VPS13B: variants seen among roughly 807,000 people sequenced by gnomAD.
VPS13B encodes the protein vacuolar protein sorting 13 homolog B.
VPS13B carries 285 observed loss-of-function variants against 426.4 expected under a neutral mutation model. The observed-to-expected ratio is 0.67, with a 90% CI of 0.61 to 0.74. VPS13B has a LOEUF of 0.74. VPS13B is among the 30% of genes least tolerant of loss of function. The probability of loss-of-function intolerance (pLI) is 0.00; values close to 1 mark genes in which losing one functional copy is unlikely to be tolerated. For missense variants in VPS13B, 4,537 were observed against 4,782.6 expected (o/e 0.95, Z 1.51); for synonymous variants, 1,676 against 1,676.4 (o/e 1.00, Z 0.01).
chr8:99,305,372 A>C (rs1237698553), intron 19 of VPS13B, among the ~76,000 whole-genome samples: 2 of 152,188 alleles, frequency 1.3e-5, no homozygotes, highest in Non-Finnish European at 2.9e-5. Flanking sequence ...TTTACATTGT[A>C]CTAGGTATTA....
chr8:99,520,811 C>G (rs1822345476), intron 29 of VPS13B, 88 bp from the exon 30 acceptor site: 3 of 987,458 alleles, frequency 3.0e-6, no homozygotes, highest in Non-Finnish European at 4.9e-6. Context: ...TAATGTGTCT[C>G]TATTCCATTC....
chr8:99,820,249 G>A, intron 49 of VPS13B, 127 bp downstream of exon 49: 1 of 873,856 alleles, frequency 1.1e-6, no homozygotes, highest in Non-Finnish European at 1.8e-6. Flanking sequence ...GCATATGTAA[G>A]AGGTATGGAA....
intron 21 of VPS13B, among the ~76,000 whole-genome samples, chr8:99,400,692 G>A (rs1814985140): frequency 6.6e-6 from 1 of 151,796 alleles, no homozygotes; most frequent in Non-Finnish European, 1.5e-5. Context: ...TTTGTTTTGT[G>A]GCGGAGTCTC....
chr8:99,165,263 A>C (rs1811937145), intron 15 of VPS13B, among the ~76,000 whole-genome samples: 1 of 152,206 alleles, frequency 6.6e-6, no homozygotes, highest in African/African-American at 2.4e-5. Context: ...GTTGTACAAT[A>C]GATCTTTTAA....
intron 51 of VPS13B, among the ~76,000 whole-genome samples, chr8:99,830,911 C>T (rs1815003338): frequency 6.6e-6 from 1 of 151,982 alleles, no homozygotes; most frequent in South Asian, 2.1e-4. Flanking sequence ...TGCTTCTGCT[C>T]ACCCTCCTTG....
chr8:99,389,463 C>T (rs1026916126), intron 20 of VPS13B, among the ~76,000 whole-genome samples: 2 of 152,036 alleles, frequency 1.3e-5, no homozygotes, highest in African/African-American at 4.8e-5. Context: ...AGCTAATAGC[C>T]TACTGTTGAT....
At chr8:99,326,851 A>T (rs1016984940) in intron 19 of VPS13B, among the ~76,000 whole-genome samples, 3 of 152,206 alleles carry the variant, frequency 2.0e-5, no homozygotes, top group African/African-American at 7.2e-5. Flanking sequence ...GTTGAAGTTC[A>T]GCTCTGATAG....
chr8:99,775,348 T>C (rs1341741229), intron 40 of VPS13B, among the ~76,000 whole-genome samples: 1 of 152,152 alleles, frequency 6.6e-6, no homozygotes, highest in South Asian at 2.1e-4. Context: ...CAGGCTGTGA[T>C]AGCTACAGAG....
At chr8:99,739,198 TC>T (rs1423655826) in intron 39 of VPS13B, among the ~76,000 whole-genome samples, 1 of 152,042 alleles carries the variant, frequency 6.6e-6, no homozygotes. Context: ...GCTCGGAGGG[TC>T]CCATACCCGT....
At chr8:99,146,654 C>T (rs1810742105) in intron 13 of VPS13B, among the ~76,000 whole-genome samples, 1 of 152,122 alleles carries the variant, frequency 6.6e-6, no homozygotes, top group Non-Finnish European at 1.5e-5. Context: ...TTCACTGTAG[C>T]CTTGATATCC....
At chr8:99,151,028 C>T (rs1811049333) in intron 14 of VPS13B, among the ~76,000 whole-genome samples, 1 of 152,220 alleles carries the variant, frequency 6.6e-6, no homozygotes, top group Non-Finnish European at 1.5e-5. Flanking sequence ...TGTTTCTCCA[C>T]ATCCCTACCA....
intron 40 of VPS13B, among the ~76,000 whole-genome samples, chr8:99,767,625 G>C (rs1254930452): frequency 6.6e-6 from 1 of 151,726 alleles, no homozygotes; most frequent in Non-Finnish European, 1.5e-5. Flanking sequence ...AGCCTCACTG[G>C]CCATAAAGAA....
intron 19 of VPS13B, among the ~76,000 whole-genome samples, chr8:99,301,679 T>A (rs1404076935): frequency 6.6e-6 from 1 of 152,224 alleles, no homozygotes; most frequent in East Asian, 1.9e-4. Flanking sequence ...GTAGATGATA[T>A]ATCAAAGGTA....
chr8:99,055,772 C>G (rs1209227583), intron 3 of VPS13B, among the ~76,000 whole-genome samples: 1 of 151,854 alleles, frequency 6.6e-6, no homozygotes, highest in Non-Finnish European at 1.5e-5. Flanking sequence ...CTTTGTCACC[C>G]AAGCTGCAGT....
chr8:99,267,106 C>A (rs1006766172), intron 17 of VPS13B, among the ~76,000 whole-genome samples: 3 of 152,162 alleles, frequency 2.0e-5, no homozygotes, highest in Non-Finnish European at 2.9e-5. Flanking sequence ...GCTCACAGGA[C>A]AGGAAGATCT....
intron 19 of VPS13B, among the ~76,000 whole-genome samples, chr8:99,280,166 T>C (rs1273891244): frequency 1.3e-5 from 2 of 152,202 alleles, no homozygotes; most frequent in Non-Finnish European, 2.9e-5. Context: ...ATGTTCTCTG[T>C]GGTGGTTATG....
intron 17 of VPS13B, among the ~76,000 whole-genome samples, chr8:99,254,131 A>C (rs1362839264): frequency 6.6e-6 from 1 of 151,974 alleles, no homozygotes. Context: ...TGCTTGCTGT[A>C]TTCTCCCTTC....
intron 20 of VPS13B, among the ~76,000 whole-genome samples, chr8:99,390,851 A>G (rs1464125339): frequency 6.6e-6 from 1 of 152,222 alleles, no homozygotes; most frequent in African/African-American, 2.4e-5. Context: ...GGGCATCATC[A>G]TCAGTAACAT....
intron 6 of VPS13B, among the ~76,000 whole-genome samples, chr8:99,111,937 C>T (rs568987381): frequency 6.6e-6 from 1 of 152,128 alleles, no homozygotes; most frequent in Admixed American, 6.6e-5. Context: ...TTTTTCAGCC[C>T]TTTTTTCCTC....
Sources: allele counts gnomAD v4.1 joint callset (sites outside exome capture counted in the v4.1 genomes callset), GRCh38; gene constraint gnomAD v4.1.1; transcripts MANE v1.5; gene names NCBI Gene and HGNC (gene_info 2026-07-23, HGNC 2026-07-21).